SEMA4D: variants seen among roughly 807,000 people sequenced by gnomAD.
SEMA4D encodes semaphorin 4D.
A neutral mutation model predicts 74.8 loss-of-function variants in SEMA4D; 22 were observed. That is an observed-to-expected ratio of 0.29 (90% confidence interval 0.21 to 0.42). The LOEUF is 0.42. Ranked by LOEUF, SEMA4D falls within the 10% of genes least tolerant of loss-of-function variation. SEMA4D has a pLI of 1.00. For synonymous variants in SEMA4D, 445 were observed against 463.7 expected, an observed-to-expected ratio of 0.96 and a Z score of 0.52; for missense variants, 937 against 1,118.4, an observed-to-expected ratio of 0.84 and a Z score of 2.31.
chr9:89,454,959 G>A (rs1008802277), intron 2 of SEMA4D, among the ~76,000 whole-genome samples: 6 of 152,254 alleles, frequency 3.9e-5, no homozygotes, highest in South Asian at 2.1e-4. Flanking sequence ...TTACAGAGAA[G>A]GAAACTGAAC....
At chr9:89,444,723 C>G (rs779780750) in intron 2 of SEMA4D, among the ~76,000 whole-genome samples, 6 of 151,972 alleles carry the variant, frequency 3.9e-5, no homozygotes, top group Non-Finnish European at 7.4e-5. Context: ...AATCCTCAGA[C>G]AACCCATGTA....
At chr9:89,428,342 C>T (rs1848535862) in intron 2 of SEMA4D, among the ~76,000 whole-genome samples, 2 of 152,252 alleles carry the variant, frequency 1.3e-5, no homozygotes, top group Non-Finnish European at 2.9e-5. Context: ...CAGTCCCTGG[C>T]CCTGCAGGGG....
intron 13 of SEMA4D, 39 bp downstream of exon 13, chr9:89,386,328 G>A (rs1838483783): frequency 2.0e-6 from 3 of 1,478,844 alleles, no homozygotes; most frequent in African/African-American, 1.4e-5. Flanking sequence ...AAGCCACCGA[G>A]CGGAGAAGCC....
downstream of SEMA4D, among the ~76,000 whole-genome samples, chr9:89,374,172 G>A (rs1301455640): frequency 3.3e-5 from 5 of 152,208 alleles, no homozygotes; most frequent in Admixed American, 6.5e-5. Context: ...AGGGGGTGGC[G>A]GAGGGCTGGG....
At chr9:89,363,553 T>C (rs1488267235) in intron 17 of SEMA4D, 3 of 1,613,344 alleles carry the variant, frequency 1.9e-6, no homozygotes, top group Admixed American at 1.7e-5. Flanking sequence ...GGTCCCCAGG[T>C]CAAAGCTCTG....
chr9:89,402,682 C>CA (rs71358575), intron 4 of SEMA4D, among the ~76,000 whole-genome samples, 189 bp downstream of exon 4: 58 of 142,682 alleles, frequency 4.1e-4, no homozygotes, highest in East Asian at 1.1e-3. Flanking sequence ...ATAAAAAGTT[C>CA]AAAAAAAAAA....
chr9:89,497,348 T>G (rs765759630), intron 1 of SEMA4D: 2 of 152,496 alleles, frequency 1.3e-5, no homozygotes, highest in Admixed American at 6.5e-5. Flanking sequence ...GGCGGCGACC[T>G]GACCACTGCG....
intron 1 of SEMA4D, among the ~76,000 whole-genome samples, chr9:89,463,949 AAG>A (rs1554782766): frequency 6.6e-6 from 1 of 151,816 alleles, no homozygotes; most frequent in African/African-American, 2.4e-5. Context: ...AAAAAAAAAA[AAG>A]AACCAAATCG....
At chr9:89,392,849 C>T (rs1411188450) in intron 7 of SEMA4D, among the ~76,000 whole-genome samples, 1 of 152,204 alleles carries the variant, frequency 6.6e-6, no homozygotes, top group Non-Finnish European at 1.5e-5. Flanking sequence ...GCCTCAACCT[C>T]CCAAGCAGCT....
intron 2 of SEMA4D, among the ~76,000 whole-genome samples, chr9:89,424,056 C>A (rs991569535): frequency 1.5e-4 from 23 of 151,378 alleles, no homozygotes; most frequent in African/African-American, 5.1e-4. Context: ...CCCTCAGCAC[C>A]TCCCCTTTCT....
chr9:89,373,695 C>G (rs1376886848), downstream of SEMA4D, among the ~76,000 whole-genome samples: 1 of 152,208 alleles, frequency 6.6e-6, no homozygotes, highest in Non-Finnish European at 1.5e-5. Context: ...AAAACCCAGC[C>G]AAGTTCCAAA....
chr9:89,424,897 C>T (rs73486136), intron 2 of SEMA4D, among the ~76,000 whole-genome samples: 56 of 152,272 alleles, frequency 3.7e-4, no homozygotes, highest in African/African-American at 1.2e-3. Flanking sequence ...CAAGGCAGCT[C>T]GCATCACACT....
chr9:89,371,288 GACGGTGTGTGTGTC>G (rs1834666335), intron 16 of SEMA4D, among the ~76,000 whole-genome samples: 1 of 139,362 alleles, frequency 7.2e-6, no homozygotes, highest in Non-Finnish European at 1.6e-5. Flanking sequence ...TGTGGTGTGT[GACGGTGTGTGTGTC>G]TGGGGTGTGG....
At position 89,388,723 on chromosome 9, in the gene SEMA4D, C is replaced by G. The variant is rs1454750901; in HGVS notation, c.1020G>C (p.Gly340=). The G allele has an allele frequency of 1.2e-5, 20 of 1,610,790 alleles. No homozygotes were observed. Among genetic ancestry groups the G allele is most frequent in the Non-Finnish European group, 1.7e-5 (20 of 1,179,268 alleles). ...CCACTGTGGTGCTCTGCATGTACTT[C>G]CCGTGGGAGAAGACCTCCTCGGCTG... The part of the protein sequence containing the change: ...LSTAEEVFSH[G]KYMQSTTVEQ... Residue 340 remains glycine, a synonymous_variant, in exon 11 of 16, where the codon GGG becomes GGC. Coordinates refer to ENST00000422704, the MANE Select transcript of SEMA4D (RefSeq NM_001371194.2).
At chr9:89,424,122 C>T (rs1847616969) in intron 2 of SEMA4D, among the ~76,000 whole-genome samples, 1 of 152,140 alleles carries the variant, frequency 6.6e-6, no homozygotes, top group South Asian at 2.1e-4. Context: ...AACTCCCCTC[C>T]CTCCACTACT....
At chr9:89,461,286 G>A (rs148088773) in intron 1 of SEMA4D, among the ~76,000 whole-genome samples, 305 of 152,256 alleles carry the variant, frequency 2.0e-3, no homozygotes, top group African/African-American at 7.0e-3. Flanking sequence ...AACCTTACAA[G>A]GGTACCTCTT....
At chr9:89,464,032 A>C (rs1858025252) in intron 1 of SEMA4D, among the ~76,000 whole-genome samples, 1 of 151,906 alleles carries the variant, frequency 6.6e-6, no homozygotes, top group Admixed American at 6.6e-5. Context: ...TTTCCACCTT[A>C]GACACGTGCT....
At chr9:89,423,146 A>T (rs1847316915) in intron 2 of SEMA4D, among the ~76,000 whole-genome samples, 1 of 151,922 alleles carries the variant, frequency 6.6e-6, no homozygotes, top group Admixed American at 6.6e-5. Flanking sequence ...TTGCAAAGTA[A>T]TACTATATTT....
intron 1 of SEMA4D, among the ~76,000 whole-genome samples, chr9:89,473,261 C>T (rs773300188): frequency 2.0e-5 from 3 of 152,144 alleles, no homozygotes; most frequent in Non-Finnish European, 2.9e-5. Context: ...GTGCTCCATT[C>T]GGAGCTGACC....
Sources: gnomAD v4.1 joint callset for allele counts (sites outside exome capture counted in the v4.1 genomes callset) on GRCh38, gnomAD v4.1.1 for gene constraint, MANE v1.5 for transcripts, NCBI Gene and HGNC (gene_info 2026-07-23, HGNC 2026-07-21) for gene names.